The following RILPL1 variants were observed in gnomAD, a reference collection of about 807,000 sequenced individuals.
RILPL1 encodes RILP-like protein 1.
Under a neutral mutation model 50.3 loss-of-function variants are expected in RILPL1, and 33 were observed. The observed-to-expected ratio is 0.66, with a 90% CI of 0.50 to 0.88. The LOEUF (loss-of-function observed/expected upper bound fraction) is 0.88. Ranked by LOEUF, RILPL1 falls within the 40% of genes least tolerant of loss-of-function variation. RILPL1 has a pLI of 0.00. For missense variants in RILPL1, 418 were observed against 542.5 expected (o/e 0.77, Z 2.28); for synonymous variants, 205 against 228.6 (o/e 0.90, Z 0.93).
At chr12:123,504,506 C>A (rs952650628) in intron 2 of RILPL1, among the ~76,000 whole-genome samples, 13 of 152,062 alleles carry the variant, frequency 8.5e-5, no homozygotes, top group African/African-American at 2.9e-4. Context: ...TATGATCGTC[C>A]TAGAGGCATC....
chr12:123,494,709 A>G (rs1409996862), intron 4 of RILPL1, among the ~76,000 whole-genome samples: 1 of 152,110 alleles, frequency 6.6e-6, no homozygotes, highest in African/African-American at 2.4e-5. Context: ...CTTCCTTCCC[A>G]CTGTCATAGA....
chr12:123,497,388 C>CT (rs1566124371), intron 4 of RILPL1, among the ~76,000 whole-genome samples: 1 of 151,804 alleles, frequency 6.6e-6, no homozygotes, highest in Non-Finnish European at 1.5e-5. Context: ...CTAAGATTTT[C>CT]TTTTTTTGTT....
At chr12:123,496,993 G>A (rs1350071299) in intron 4 of RILPL1, among the ~76,000 whole-genome samples, 1 of 152,152 alleles carries the variant, frequency 6.6e-6, no homozygotes. Context: ...CTACTTTCTG[G>A]CTCTATGGAT....
rs1363034963 is a variant in RILPL1 at position 123,491,658 on chromosome 12, T to C, written c.802-5853A>G. On this transcript the variant is annotated intron_variant, in intron 4 of 6. Transcript: ENST00000376874. This position sits in a 1 kb window ranked among gnomAD's most constrained non-coding sequence, Gnocchi z 4.0. ...GCCTTTCAGCCAGCATACGCCTGTC[T>C]GCTTTCCCTATGCAGGCAGCCCGCA... Among the ~76,000 whole-genome samples, 1 of 152,218 alleles carries C rather than the reference T, an allele frequency of 6.6e-6. No individual in the cohort carries two copies. Among genetic ancestry groups the C allele is most frequent in the Non-Finnish European group, 1.5e-5 (1 of 68,030 alleles).
intron 6 of RILPL1, among the ~76,000 whole-genome samples, chr12:123,476,949 G>C (rs550515851): frequency 6.6e-6 from 1 of 152,158 alleles, no homozygotes; most frequent in South Asian, 2.1e-4. Context: ...CTGGCAAGGG[G>C]GCCTTTCAGT....
At chr12:123,502,397 T>C (rs1883452935) in intron 2 of RILPL1, among the ~76,000 whole-genome samples, 1 of 152,270 alleles carries the variant, frequency 6.6e-6, no homozygotes, top group Non-Finnish European at 1.5e-5. Context: ...TTTTTTGTTA[T>C]CGGGCATGCA....
At chr12:123,497,846 A>C (rs182048428) in intron 4 of RILPL1, among the ~76,000 whole-genome samples, 32 of 152,250 alleles carry the variant, frequency 2.1e-4, no homozygotes, top group Non-Finnish European at 4.3e-4. Flanking sequence ...AGGTGACCAC[A>C]CCTGGCCTTC....
At chr12:123,503,186 CTTTTTTTTTTT>C (rs373514624) in intron 2 of RILPL1, among the ~76,000 whole-genome samples, 18 of 80,734 alleles carry the variant, frequency 2.2e-4, no homozygotes, top group South Asian at 5.4e-4. Context: ...CACGCCTGGC[CTTTTTTTTTTT>C]TTTTTTTTTT....
intron 2 of RILPL1, among the ~76,000 whole-genome samples, chr12:123,505,594 A>C (rs1434185950): frequency 6.6e-6 from 1 of 152,040 alleles, no homozygotes; most frequent in Non-Finnish European, 1.5e-5. Context: ...CTAGGACTAC[A>C]GGTGTGGGCC....
rs531900324 is a variant in RILPL1, at chr12:123,502,123, A to G, written c.461-2587T>C. On this transcript the variant is annotated intron_variant, in intron 2 of 6. Transcript: ENST00000376874. ...GGAAAAGCTACTTATTTGGGAGTAG[A>G]GCGTTGCAATGGGAATCCACCTGCC... Among the ~76,000 whole-genome samples the G allele has an allele frequency of 3.9e-5, 6 of 152,116 alleles. No homozygotes were observed. The South Asian group carries it at 1.2e-3, about 32-fold the overall frequency.
chr12:123,495,108 A>G (rs140787457), intron 4 of RILPL1, among the ~76,000 whole-genome samples: 1 of 152,170 alleles, frequency 6.6e-6, no homozygotes, highest in East Asian at 1.9e-4. Context: ...TGATAGGCCA[A>G]TGAGGATTTC....
In RILPL1 at chr12:123,533,566, CCAGCCTGGGCCGCGGGCGGGCGCGCT is replaced by C. The variant is rs1885529907; in HGVS notation, c.-110_-85del. ...CTGTCGAGGGCCGGGCCGGCCGGGCCCAGCCTGGGCCGCGGGCGGGCGCGCTCAGCGGGCGCTGGGGCGAGGGCGCA... is the reference window on the plus strand; with the variant it reads ...CTGTCGAGGGCCGGGCCGGCCGGGCCCAGCGGGCGCTGGGGCGAGGGCGCA... On this transcript the variant is annotated 5_prime_UTR_variant, in exon 1 of 7. Transcript: ENST00000376874. This position sits in a 1 kb window ranked among gnomAD's most constrained non-coding sequence, Gnocchi z 6.2. 1 of 1,151,152 alleles carries C rather than the reference CCAGCCTGGGCCGCGGGCGGGCGCGCT, an allele frequency of 8.7e-7. No individual in the cohort carries two copies. Among genetic ancestry groups the C allele is most frequent in the African/African-American group, 1.6e-5 (1 of 62,120 alleles). 71.3% of individuals were successfully genotyped at this position (1,151,152 alleles called of 1,614,324 possible). A position where few individuals can be genotyped will look rare whatever the true frequency, so the allele number is the denominator to read the frequency against.
chr12:123,500,768 T>C (rs1191319894), intron 2 of RILPL1, among the ~76,000 whole-genome samples: 1 of 152,188 alleles, frequency 6.6e-6, no homozygotes, highest in South Asian at 2.1e-4. Context: ...GTTGTGAGGA[T>C]TGATTATGTC....
chr12:123,523,405 A>G, intron 2 of RILPL1, 90 bp downstream of exon 2: 1 of 1,479,190 alleles, frequency 6.8e-7, no homozygotes, highest in Non-Finnish European at 9.4e-7. Flanking sequence ...GCACCGCATC[A>G]GCGTCCAGGG....
chr12:123,494,074 T>C (rs1882871886), intron 4 of RILPL1, among the ~76,000 whole-genome samples: 4 of 152,084 alleles, frequency 2.6e-5, no homozygotes, highest in Admixed American at 2.6e-4. Flanking sequence ...TGTGGGCCAC[T>C]GCGCCTGGCC....
intron 4 of RILPL1, among the ~76,000 whole-genome samples, chr12:123,497,738 C>T (rs1042591942): frequency 3.3e-5 from 5 of 151,860 alleles, no homozygotes; most frequent in African/African-American, 1.2e-4. Flanking sequence ...AGAGATAGGA[C>T]CTCGCTATGT....
intron 6 of RILPL1, among the ~76,000 whole-genome samples, chr12:123,481,607 A>G (rs181622131): frequency 6.8e-4 from 102 of 150,258 alleles, no homozygotes; most frequent in African/African-American, 2.4e-3. Flanking sequence ...CCCAAACTGG[A>G]GTGCAATGGC....
intron 4 of RILPL1, among the ~76,000 whole-genome samples, chr12:123,490,600 T>C (rs192709941): frequency 3.9e-5 from 6 of 152,036 alleles, no homozygotes; most frequent in African/African-American, 1.4e-4. Context: ...CTTTTTTTTT[T>C]AATTTTATTT....
Position 123,489,114 on chromosome 12 carries a change from T to C in RILPL1, c.802-3309A>G, listed in dbSNP as rs1391038508. Among the ~76,000 whole-genome samples the C allele has an allele frequency of 6.6e-6, 1 of 152,210 alleles. No individual in the cohort carries two copies. The highest frequency in any genetic ancestry group is 1.5e-5 in the Non-Finnish European group (1 of 68,044). The stretch of plus-strand genomic sequence containing the variant: ...GCCCAGCTTCACCAAGGAGCAACCC[T>C]GGATGTCTAGTTATCCAACATTTAC... On this transcript the variant is annotated intron_variant, in intron 4 of 6. Coordinates refer to ENST00000376874, the MANE Select transcript of RILPL1 (RefSeq NM_178314.5). The surrounding 1 kb of genome is among the most constrained non-coding windows in gnomAD (Gnocchi z 4.0).
Sources: allele counts gnomAD v4.1 joint callset (sites outside exome capture counted in the v4.1 genomes callset), GRCh38; gene constraint gnomAD v4.1.1; non-coding constraint Gnocchi (gnomAD v3.1); transcripts MANE v1.5; gene names NCBI Gene and HGNC (gene_info 2026-07-23, HGNC 2026-07-21).